The following SEC14L1 variants were observed in gnomAD, a reference collection of about 807,000 sequenced individuals.
SEC14L1 encodes the protein SEC14-like protein 1.
A neutral mutation model predicts 85.3 loss-of-function variants in SEC14L1; 48 were observed. The observed-to-expected ratio is 0.56, with a 90% CI of 0.45 to 0.72. The LOEUF (loss-of-function observed/expected upper bound fraction) is 0.72. Among genes scored for constraint, SEC14L1 ranks in the 30% least tolerant of loss-of-function variants. The pLI is 0.00. For missense variants in SEC14L1, 682 were observed against 921.4 expected (o/e 0.74, Z 3.36); for synonymous variants, 391 against 355.5 (o/e 1.10, Z -1.12).
chr17:77,214,061 C>A lies in SEC14L1; in HGVS notation c.*38C>A. 6.3e-7 allele frequency: 1 copy of A among 1,592,460 alleles called. No homozygotes were observed. Among genetic ancestry groups the A allele is most frequent in the South Asian group, 1.1e-5 (1 of 88,872 alleles). ...TGCACCTAGTGTGCAGAGGGGACGG[C>A]CGCCCCTCCTCGGACAGCCAGCTGC... is the stretch of plus-strand genomic sequence containing the variant. On this transcript the variant is annotated 3_prime_UTR_variant, in exon 17 of 17. Coordinates refer to ENST00000436233, the MANE Select transcript of SEC14L1 (RefSeq NM_001143998.2).
chr17:77,168,913 A>G (rs1159294953), intron 3 of SEC14L1, among the ~76,000 whole-genome samples: 1 of 149,152 alleles, frequency 6.7e-6, no homozygotes, highest in Non-Finnish European at 1.5e-5. Context: ...TCCTGCAGCT[A>G]TTTGGTTTCG....
intron 3 of SEC14L1, among the ~76,000 whole-genome samples, chr17:77,182,277 T>C (rs1975072416): frequency 6.6e-6 from 1 of 152,230 alleles, no homozygotes; most frequent in Non-Finnish European, 1.5e-5. Context: ...AATATGGCTT[T>C]CTTTAGCACA....
intron 3 of SEC14L1, among the ~76,000 whole-genome samples, chr17:77,175,631 G>C (rs192698135): frequency 6.6e-6 from 1 of 152,206 alleles, no homozygotes; most frequent in Non-Finnish European, 1.5e-5. Context: ...AATACTTGAA[G>C]TCACTAGTTA....
rs765876596 is a variant in SEC14L1, at chr17:77,206,314, G to C, written c.1255G>C (p.Glu419Gln). 2.9e-5 allele frequency: 46 copies of C among 1,613,982 alleles called. No individual in the cohort carries two copies. The highest frequency in any genetic ancestry group is 3.8e-5 in the Non-Finnish European group (45 of 1,180,030). Residue 419 changes from glutamate to glutamine, a missense_variant, in exon 12 of 17, where the codon GAG becomes CAG. Glu to Gln is a conservative substitution (Grantham distance 29). Coordinates refer to ENST00000436233, the MANE Select transcript of SEC14L1 (RefSeq NM_001143998.2). This position sits in a 1 kb window ranked among gnomAD's most constrained non-coding sequence, Gnocchi z 4.3. ...PGVKALLRIIEVVEANYPETL... is the reference protein window; with the variant it reads ...PGVKALLRIIQVVEANYPETL... ...TGTGAAAGCGCTGCTGCGGATCATC[G>C]AGGTGGTGGAGGCCAACTACCCTGA...
In SEC14L1 at chr17:77,193,448, T is replaced by A. The variant is rs1246025387; in HGVS notation, c.373T>A (p.Cys125Ser). The A allele has an allele frequency of 6.2e-7, 1 of 1,607,070 alleles. No homozygotes were observed. The highest frequency in any genetic ancestry group is 8.5e-7 in the Non-Finnish European group (1 of 1,175,306). Residue 125 changes from cysteine to serine, a missense_variant, in exon 6 of 17, where the codon TGT becomes AGT. Physicochemically the swap from Cys to Ser is moderately radical, Grantham distance 112 (BLOSUM62 -1). Coordinates refer to ENST00000436233, the MANE Select transcript of SEC14L1 (RefSeq NM_001143998.2). The part of the protein sequence containing the change: ...TVHPENEDWT[C>S]FEQSASLDIK... ...TCACCCTGAAAATGAAGATTGGACC[T>A]GTTTTGAACAGTCTGCAAGTTTAGA...
At position 77,158,798 on chromosome 17, in the gene SEC14L1, C is replaced by CTTTTTTTTTTTTTTTTTTTTTTTTTTT. The variant is rs34186028; in HGVS notation, c.63+15146_63+15172dup. Among the ~76,000 whole-genome samples, 8 of 39,240 alleles carry CTTTTTTTTTTTTTTTTTTTTTTTTTTT rather than the reference C, an allele frequency of 2.0e-4. 2 individuals carry two copies. The highest frequency in any genetic ancestry group is 7.8e-4 in the East Asian group (1 of 1,284). 25.7% of individuals were successfully genotyped at this position (39,240 alleles called of 152,430 possible). A position where few individuals can be genotyped will look rare whatever the true frequency, so the allele number is the denominator to read the frequency against. ...CAATTACATTTTATAGCTTTCTTTC[C>CTTTTTTTTTTTTTTTTTTTTTTTTTTT]TTTTTTTTTTTTTTTTTTTTTTTTT... On this transcript the variant is annotated intron_variant, in intron 3 of 16. Coordinates refer to ENST00000436233, the MANE Select transcript of SEC14L1 (RefSeq NM_001143998.2).
Position 77,175,572 on chromosome 17 carries a change from C to T in SEC14L1, c.64-15231C>T, listed in dbSNP as rs188484806. 1.1e-3 allele frequency among the ~76,000 whole-genome samples: 167 copies of T among 152,306 alleles called. 1 individual carries two copies. The highest frequency in any genetic ancestry group is 5.8e-3 in the East Asian group (30 of 5,186). On this transcript the variant is annotated intron_variant, in intron 3 of 16. Transcript: ENST00000436233. The stretch of plus-strand genomic sequence containing the variant: ...TGTGGTGCCCGGGCAGCTGTAGTTC[C>T]GGCCTACTCAGGCTTTTCATGACCT...
chr17:77,095,355 A>T (rs1971615186), intron 3 of SEC14L1, among the ~76,000 whole-genome samples: 1 of 152,188 alleles, frequency 6.6e-6, no homozygotes, highest in Admixed American at 6.5e-5. Context: ...TCAGGACAGG[A>T]TGGGAATGAG....
intron 10 of SEC14L1, among the ~76,000 whole-genome samples, chr17:77,204,824 T>C (rs1399289281): frequency 1.3e-5 from 2 of 152,180 alleles, no homozygotes; most frequent in Non-Finnish European, 2.9e-5. Flanking sequence ...ATGGACTTTA[T>C]CTACAGGGGA....
chr17:77,096,582 A>G (rs74255233), intron 3 of SEC14L1, among the ~76,000 whole-genome samples: 9,678 of 151,828 alleles, frequency 0.064, 457 homozygotes, highest in East Asian at 0.27. Context: ...GTGGGACACA[A>G]GCCCTGTATC....
rs1315080904 is a variant in SEC14L1, at chr17:77,206,928, T to A, written c.1476+66T>A. The A allele has an allele frequency of 2.1e-6, 3 of 1,406,864 alleles. No individual in the cohort carries two copies. The highest frequency in any genetic ancestry group is 2.9e-5 in the African/African-American group (2 of 68,948). 87.1% of individuals were successfully genotyped at this position (1,406,864 alleles called of 1,614,324 possible). ...GCAGGTGGGAGAGGTCGGTGTCGATTTGCACAAATGATTTTCAGAACTTCC... is the reference window on the plus strand; with the variant it reads ...GCAGGTGGGAGAGGTCGGTGTCGATATGCACAAATGATTTTCAGAACTTCC... On this transcript the variant is annotated intron_variant, in intron 13 of 16. Transcript: ENST00000436233. The surrounding 1 kb of genome is among the most constrained non-coding windows in gnomAD (Gnocchi z 4.3).
chr17:77,092,163 T>C (rs1410389651), intron 2 of SEC14L1, among the ~76,000 whole-genome samples: 3 of 152,226 alleles, frequency 2.0e-5, no homozygotes, highest in African/African-American at 7.2e-5. Flanking sequence ...TGCTCCTTCA[T>C]GAAGCAGCGT....
chr17:77,150,396 G>C (rs1009113926), intron 3 of SEC14L1, among the ~76,000 whole-genome samples: 5 of 152,184 alleles, frequency 3.3e-5, no homozygotes, highest in African/African-American at 1.2e-4. Context: ...CTCCCTTCCA[G>C]ATACCCTGCC....
chr17:77,169,144 C>T (rs545949100), intron 3 of SEC14L1, among the ~76,000 whole-genome samples: 42 of 151,296 alleles, frequency 2.8e-4, no homozygotes, highest in Admixed American at 2.5e-3. Flanking sequence ...AATAGTTTAC[C>T]GCAGTACCAC....
At chr17:77,136,377 C>T (rs1972802128), upstream of SEC14L1, among the ~76,000 whole-genome samples, 1 of 149,712 alleles carries the variant, frequency 6.7e-6, no homozygotes, top group African/African-American at 2.5e-5. Flanking sequence ...TTTCTCTTTC[C>T]TTCCTCCTTC....
At chr17:77,209,889 C>T (rs1430555056) in intron 14 of SEC14L1, 1 of 158,446 alleles carries the variant, frequency 6.3e-6, no homozygotes, top group Non-Finnish European at 1.4e-5. Flanking sequence ...GTTGCCCAGG[C>T]TGGAGTACAC....
intron 3 of SEC14L1, among the ~76,000 whole-genome samples, chr17:77,098,293 G>A (rs757827438): frequency 3.9e-5 from 6 of 152,128 alleles, no homozygotes; most frequent in Non-Finnish European, 8.8e-5. Flanking sequence ...GAGGTCAGGA[G>A]TTCGAAACCA....
In SEC14L1 at chr17:77,206,892, T is replaced by G; in HGVS notation, c.1476+30T>G. The G allele has an allele frequency of 6.7e-7, 1 of 1,490,992 alleles. No individual in the cohort carries two copies. Among genetic ancestry groups the G allele is most frequent in the African/African-American group, 1.4e-5 (1 of 70,878 alleles). 92.4% of individuals were successfully genotyped at this position (1,490,992 alleles called of 1,614,324 possible). On this transcript the variant is annotated intron_variant, in intron 13 of 16. Transcript: ENST00000436233. This position sits in a 1 kb window ranked among gnomAD's most constrained non-coding sequence, Gnocchi z 4.3. Reference sequence around the variant, plus strand: ...GTCCTGAGGCGAGGAACTGCACATTTGGCCCCTTATGCAGGTGGGAGAGGT... The same window carrying G: ...GTCCTGAGGCGAGGAACTGCACATTGGGCCCCTTATGCAGGTGGGAGAGGT...
At chr17:77,157,728 A>G (rs537210581) in intron 3 of SEC14L1, among the ~76,000 whole-genome samples, 4 of 152,164 alleles carry the variant, frequency 2.6e-5, no homozygotes, top group Non-Finnish European at 5.9e-5. Context: ...GGGTTTCACC[A>G]TGTTGGTCAG....
Sources: allele counts gnomAD v4.1 joint callset (sites outside exome capture counted in the v4.1 genomes callset), GRCh38; gene constraint gnomAD v4.1.1; non-coding constraint Gnocchi (gnomAD v3.1); transcripts MANE v1.5; gene names NCBI Gene and HGNC (gene_info 2026-07-23, HGNC 2026-07-21).